Variants in COL4A5 observed in about 807,000 individuals in gnomAD.
COL4A5 encodes the protein collagen type IV alpha 5 chain.
In COL4A5, 26 loss-of-function variants were observed where a neutral mutation model predicts 130.2. The observed-to-expected ratio is 0.20, with a 90% CI of 0.15 to 0.28. COL4A5 has a LOEUF of 0.28. Ranked by LOEUF, COL4A5 falls within the 10% of genes least tolerant of loss-of-function variation. The pLI is 1.00. For synonymous variants in COL4A5, 496 were observed against 439.6 expected (o/e 1.13, Z -1.60); for missense variants, 1,131 against 1,344.3 (o/e 0.84, Z 2.48).
At chrX:108,664,839 G>A (rs1277939974) in intron 37 of COL4A5, among the ~76,000 whole-genome samples, 2 of 111,990 alleles carry the variant, frequency 1.8e-5, no homozygotes, top group Non-Finnish European at 3.8e-5. Flanking sequence ...TCAGAGAAAT[G>A]CAAATTAAAA....
Position 108,695,417 on chromosome X carries a change from G to T in COL4A5, c.4972G>T (p.Val1658Leu). ...ANSYSFWLAT[V>L]DVSDMFSKPQ... is the part of the protein sequence containing the mutation. ...CTCCTACAGCTTTTGGCTGGCAACTGTAGATGTGTCAGACATGTTCAGGTA... is the reference window on the plus strand; with the variant it reads ...CTCCTACAGCTTTTGGCTGGCAACTTTAGATGTGTCAGACATGTTCAGGTA... Residue 1658 changes from valine to leucine, a missense_variant, in exon 52 of 53, where the codon GTA (valine) becomes TTA (leucine). By Grantham distance (32) the Val-to-Leu change is conservative. Coordinates refer to ENST00000328300, the MANE Select transcript of COL4A5 (RefSeq NM_033380.3). The T allele has an allele frequency of 8.3e-7, 1 of 1,211,316 alleles. No individual in the cohort carries two copies. Among genetic ancestry groups the T allele is most frequent in the Non-Finnish European group, 1.1e-6 (1 of 895,235 alleles).
intron 1 of COL4A5, among the ~76,000 whole-genome samples, chrX:108,513,760 C>T (rs2065199124): frequency 9.1e-6 from 1 of 109,541 alleles, no homozygotes; most frequent in Non-Finnish European, 1.9e-5. Context: ...TGTCTTTGCC[C>T]TGTCCAAAAA....
chrX:108,594,682 T>C (rs935466313), intron 21 of COL4A5, among the ~76,000 whole-genome samples: 2 of 108,416 alleles, frequency 1.8e-5, no homozygotes, highest in Non-Finnish European at 3.8e-5. Flanking sequence ...TTCTACACTC[T>C]TATGCACATG....
chrX:108,556,934 T>A (rs1306715425), intron 2 of COL4A5, among the ~76,000 whole-genome samples: 2 of 111,571 alleles, frequency 1.8e-5, no homozygotes, highest in Admixed American at 9.6e-5. Context: ...ATTATTTGAC[T>A]GTAGTGCAAG....
chrX:108,567,394 G>T lies in COL4A5; in HGVS notation c.277-1235G>T, dbSNP rs368981557. Among the ~76,000 whole-genome samples, 11 of 111,914 alleles carry T rather than the reference G, an allele frequency of 9.8e-5. No homozygotes were observed. The East Asian group carries it at 2.2e-3, about 23-fold the overall frequency. ...CATCTACGTGGTTTTATAAGACAAG[G>T]TGTAGTCAGAGATGCTTCTCTTTCA... is the stretch of plus-strand genomic sequence containing the variant. On this transcript the variant is annotated intron_variant, in intron 4 of 52. Transcript: ENST00000328300.
At chrX:108,596,878 T>A (rs1360653074) in intron 22 of COL4A5, 120 bp from the exon 23 acceptor site, 1 of 687,263 alleles carries the variant, frequency 1.5e-6, no homozygotes, top group African/African-American at 2.2e-5. Flanking sequence ...TGAATGGGGT[T>A]CTTATTTTAA....
intron 1 of COL4A5, among the ~76,000 whole-genome samples, chrX:108,485,054 A>C (rs2064931005): frequency 8.9e-6 from 1 of 112,130 alleles, no homozygotes; most frequent in Admixed American, 9.4e-5. Context: ...TATCACAGGC[A>C]GAGGAGCCTC....
chrX:108,616,816 A>G (rs2066936432), intron 30 of COL4A5, among the ~76,000 whole-genome samples: 1 of 110,017 alleles, frequency 9.1e-6, no homozygotes, highest in Non-Finnish European at 1.9e-5. Context: ...TATATCTGAC[A>G]AAGGACTTAT....
At chrX:108,465,486 A>G (rs895736446) in intron 1 of COL4A5, among the ~76,000 whole-genome samples, 3 of 111,924 alleles carry the variant, frequency 2.7e-5, no homozygotes, top group Non-Finnish European at 5.6e-5. Context: ...TGTCATGTTT[A>G]CATAAATATA....
chrX:108,449,113 G>A (rs1288541964), intron 1 of COL4A5, among the ~76,000 whole-genome samples: 2 of 112,072 alleles, frequency 1.8e-5, no homozygotes, highest in Non-Finnish European at 3.8e-5. Context: ...ACATTGGCAA[G>A]TGGTATACGG....
At chrX:108,492,263 C>G (rs763838565) in intron 1 of COL4A5, among the ~76,000 whole-genome samples, 1 of 111,419 alleles carries the variant, frequency 9.0e-6, no homozygotes, top group African/African-American at 3.3e-5. Context: ...TTGTTCCAGG[C>G]GTTTTAGGAA....
Position 108,692,778 on chromosome X carries a change from G to T in COL4A5, c.4559G>T (p.Ser1520Ile). 1 of 1,211,460 alleles carries T rather than the reference G, an allele frequency of 8.3e-7. No homozygotes were observed. Among genetic ancestry groups the T allele is most frequent in the Non-Finnish European group, 1.1e-6 (1 of 895,385 alleles). Residue 1520 changes from serine (S) to isoleucine (I), a missense_variant, in exon 50 of 53, where the codon AGT becomes ATT. By Grantham distance (142) the Ser-to-Ile change is moderately radical. Coordinates refer to ENST00000328300, the MANE Select transcript of COL4A5 (RefSeq NM_033380.3). ...GTAGSCLRRF[S>I]TMPFMFCNIN... ...GCTGGCAGCTGCCTTCGTCGCTTTA[G>T]TACCATGCCTTTCATGTTCTGCAAC...
chrX:108,483,245 G>GTGTA (rs1219922119), intron 1 of COL4A5, among the ~76,000 whole-genome samples: 1 of 110,337 alleles, frequency 9.1e-6, no homozygotes, highest in Non-Finnish European at 1.9e-5. Flanking sequence ...GTGTGTGTGT[G>GTGTA]TGTATGTAAA....
intron 1 of COL4A5, among the ~76,000 whole-genome samples, chrX:108,517,582 G>T (rs933854607): frequency 1.3e-4 from 15 of 111,500 alleles, no homozygotes; most frequent in African/African-American, 4.9e-4. Context: ...AATAAGGTGT[G>T]ACTGGATGGC....
intron 30 of COL4A5, among the ~76,000 whole-genome samples, chrX:108,617,522 T>C (rs1219957076): frequency 8.9e-6 from 1 of 111,779 alleles, no homozygotes; most frequent in African/African-American, 3.2e-5. Flanking sequence ...TTTAACACGG[T>C]TATAAGATAA....
intron 29 of COL4A5, among the ~76,000 whole-genome samples, chrX:108,610,652 T>TGAA (rs1489348860): frequency 8.9e-6 from 1 of 111,766 alleles, no homozygotes; most frequent in African/African-American, 3.2e-5. Flanking sequence ...ACAGTGGTAG[T>TGAA]GAAGAAATGC....
intron 37 of COL4A5, among the ~76,000 whole-genome samples, chrX:108,664,910 T>A (rs922811848): frequency 1.8e-5 from 2 of 112,066 alleles, no homozygotes; most frequent in Non-Finnish European, 1.9e-5. Flanking sequence ...ACTGATATCA[T>A]CACAAAGGTT....
At chrX:108,650,157 AAC>A (rs1476532463) in intron 36 of COL4A5, among the ~76,000 whole-genome samples, 2 of 112,118 alleles carry the variant, frequency 1.8e-5, no homozygotes, top group Admixed American at 9.5e-5. Context: ...ATGGCCAAAA[AAC>A]ATATGAAAAA....
intron 1 of COL4A5, among the ~76,000 whole-genome samples, chrX:108,470,050 G>T (rs1303173636): frequency 8.9e-6 from 1 of 112,132 alleles, no homozygotes; most frequent in Non-Finnish European, 1.9e-5. Flanking sequence ...GGGAATCTAG[G>T]TTGATTCCAT....
Sources: allele counts gnomAD v4.1 joint callset (sites outside exome capture counted in the v4.1 genomes callset), GRCh38; gene constraint gnomAD v4.1.1; transcripts MANE v1.5; gene names NCBI Gene and HGNC (gene_info 2026-07-23, HGNC 2026-07-21).